CTNNA3: variants seen among roughly 807,000 people sequenced by gnomAD.
CTNNA3 encodes catenin alpha 3.
CTNNA3 carries 76 observed loss-of-function variants against 95.7 expected under a neutral mutation model. The ratio of observed to expected loss-of-function variants is 0.79; its 90% CI spans 0.66 to 0.96. The LOEUF is 0.96. Ranked by LOEUF, CTNNA3 falls within the 40% of genes least tolerant of loss-of-function variation. The pLI, the probability that CTNNA3 is intolerant of heterozygous loss-of-function variation, is 0.00. For missense variants in CTNNA3, 1,191 were observed against 1,089.8 expected (o/e 1.09, Z -1.31); for synonymous variants, 431 against 374.4 (o/e 1.15, Z -1.74).
At chr10:66,708,622 G>GC (rs1288429858) in intron 9 of CTNNA3, among the ~76,000 whole-genome samples, 2 of 152,140 alleles carry the variant, frequency 1.3e-5, no homozygotes, top group South Asian at 2.1e-4. Flanking sequence ...ATACAATTCA[G>GC]CCCATAACAA....
chr10:66,877,195 G>A (rs1844657956), intron 7 of CTNNA3, among the ~76,000 whole-genome samples: 1 of 152,068 alleles, frequency 6.6e-6, no homozygotes, highest in African/African-American at 2.4e-5. Context: ...ACCTCAGTAT[G>A]GTAAGGGTTT....
At chr10:66,242,548 T>C (rs981778712) in intron 13 of CTNNA3, among the ~76,000 whole-genome samples, 17 of 152,174 alleles carry the variant, frequency 1.1e-4, no homozygotes, top group African/African-American at 4.1e-4. Flanking sequence ...ACATCCTATA[T>C]GACCAGGAAT....
At chr10:66,341,241 C>T (rs1357539151) in intron 12 of CTNNA3, among the ~76,000 whole-genome samples, 2 of 151,896 alleles carry the variant, frequency 1.3e-5, no homozygotes, top group African/African-American at 2.4e-5. Flanking sequence ...CGCCCTCATT[C>T]TAGTAAATTA....
chr10:67,404,268 A>G (rs995408637), intron 5 of CTNNA3, among the ~76,000 whole-genome samples: 5 of 152,156 alleles, frequency 3.3e-5, no homozygotes. Context: ...ACTGAGCTAA[A>G]GGAGCACTTT....
chr10:67,024,953 A>G (rs1853262931), intron 7 of CTNNA3, among the ~76,000 whole-genome samples: 1 of 152,008 alleles, frequency 6.6e-6, no homozygotes, highest in Non-Finnish European at 1.5e-5. Context: ...CAACAAGAAG[A>G]CACCCTGTCT....
intron 3 of CTNNA3, among the ~76,000 whole-genome samples, chr10:67,554,873 T>C (rs1841176920): frequency 6.6e-6 from 1 of 152,118 alleles, no homozygotes; most frequent in Non-Finnish European, 1.5e-5. Flanking sequence ...TCTTCTAGGG[T>C]TTTTATCGTT....
chr10:67,622,559 A>G (rs1157381939), intron 2 of CTNNA3, among the ~76,000 whole-genome samples: 4 of 152,246 alleles, frequency 2.6e-5, no homozygotes, highest in Non-Finnish European at 4.4e-5. Context: ...AGCTACCCAC[A>G]GATCATCTCA....
chr10:67,128,350 A>G (rs1211933918), intron 7 of CTNNA3, among the ~76,000 whole-genome samples: 1 of 152,178 alleles, frequency 6.6e-6, no homozygotes. Context: ...CTTCATAGAA[A>G]GCCCAATTCT....
intron 5 of CTNNA3, among the ~76,000 whole-genome samples, chr10:67,294,075 CCAGT>C (rs1384886956): frequency 1.3e-5 from 2 of 152,022 alleles, no homozygotes; most frequent in Admixed American, 1.3e-4. Flanking sequence ...TTATCTAATA[CCAGT>C]CAAAGTTATA....
At chr10:67,470,884 G>C (rs1847791437) in intron 5 of CTNNA3, among the ~76,000 whole-genome samples, 1 of 152,136 alleles carries the variant, frequency 6.6e-6, no homozygotes, top group African/African-American at 2.4e-5. Context: ...AGGATAAAGT[G>C]ATCCTCTCAC....
chr10:67,005,592 G>A (rs1239507647), intron 7 of CTNNA3, among the ~76,000 whole-genome samples: 1 of 150,294 alleles, frequency 6.7e-6, no homozygotes, highest in Non-Finnish European at 1.5e-5. Flanking sequence ...CTGATGAATC[G>A]GAAAAAAAGG....
chr10:67,365,872 C>T (rs1843194832), intron 5 of CTNNA3, among the ~76,000 whole-genome samples: 1 of 152,210 alleles, frequency 6.6e-6, no homozygotes, highest in South Asian at 2.1e-4. Context: ...CATCCCATTA[C>T]TGGGTATATA....
intron 7 of CTNNA3, among the ~76,000 whole-genome samples, chr10:66,943,100 A>C (rs1292278474): frequency 1.3e-5 from 2 of 152,200 alleles, no homozygotes; most frequent in Non-Finnish European, 2.9e-5. Flanking sequence ...TACTTCACAA[A>C]GCATTGGATT....
chr10:66,063,312 AT>A (rs1398648842), intron 15 of CTNNA3, among the ~76,000 whole-genome samples: 1 of 133,050 alleles, frequency 7.5e-6, no homozygotes, highest in Non-Finnish European at 1.6e-5. Context: ...CTCTCTATAT[AT>A]ATATATAATA....
chr10:67,584,230 G>A (rs975218377), intron 3 of CTNNA3, among the ~76,000 whole-genome samples: 6 of 152,152 alleles, frequency 3.9e-5, no homozygotes, highest in South Asian at 2.1e-4. Context: ...TGATGGTGAC[G>A]TACAGATGGG....
At chr10:66,073,493 G>A (rs373516825) in intron 14 of CTNNA3, among the ~76,000 whole-genome samples, 1 of 152,116 alleles carries the variant, frequency 6.6e-6, no homozygotes, top group South Asian at 2.1e-4. Context: ...ACAGAAGGAT[G>A]AAAAACACAC....
At chr10:67,615,800 T>C (rs1053753194) in intron 2 of CTNNA3, among the ~76,000 whole-genome samples, 1 of 151,886 alleles carries the variant, frequency 6.6e-6, no homozygotes, top group Non-Finnish European at 1.5e-5. Flanking sequence ...GTAGCTGGCA[T>C]TACAGGTGCC....
chr10:67,301,561 A>T (rs10762162), intron 5 of CTNNA3, among the ~76,000 whole-genome samples: 38,250 of 152,146 alleles, frequency 0.25, 7,021 homozygotes, highest in African/African-American at 0.51. Context: ...CCATGTTCAT[A>T]GCAGCATTAT....
Position 65,920,196 on chromosome 10 carries a change from G to T in CTNNA3, c.*134C>A. ...AATATATATTGCTTTTGTTGATTTA[G>T]CGCCCAATATTTTATGTTATTTGTG... On this transcript the variant is annotated 3_prime_UTR_variant, in exon 18 of 18. Transcript: ENST00000433211. 1.4e-6 allele frequency: 1 copy of T among 733,096 alleles called. No homozygotes were observed. Among genetic ancestry groups the T allele is most frequent in the Non-Finnish European group, 2.3e-6 (1 of 442,944 alleles). 45.4% of individuals were successfully genotyped at this position (733,096 alleles called of 1,614,324 possible). A position where few individuals can be genotyped will look rare whatever the true frequency, so the allele number is the denominator to read the frequency against.
Sources: allele counts gnomAD v4.1 joint callset (sites outside exome capture counted in the v4.1 genomes callset), GRCh38; gene constraint gnomAD v4.1.1; transcripts MANE v1.5; gene names NCBI Gene and HGNC (gene_info 2026-07-23, HGNC 2026-07-21).